SPACA7: variants seen among roughly 807,000 people sequenced by gnomAD.
The protein encoded by SPACA7 is sperm acrosome-associated protein 7.
Under a neutral mutation model 26.3 loss-of-function variants are expected in SPACA7, and 19 were observed. That is an observed-to-expected ratio of 0.72 (90% CI 0.50 to 1.06). The LOEUF is 1.06. Ranked by LOEUF, SPACA7 falls within the 50% of genes least tolerant of loss-of-function variation. The probability of loss-of-function intolerance (pLI) is 0.00; values close to 1 mark genes in which losing one functional copy is unlikely to be tolerated. For synonymous variants in SPACA7, 84 were observed against 84.5 expected, an observed-to-expected ratio of 0.99 and a Z score of 0.04; for missense variants, 211 against 229.9, an observed-to-expected ratio of 0.92 and a Z score of 0.53.
chr13:112,384,301 T>C (rs565415827), intron 1 of SPACA7, among the ~76,000 whole-genome samples: 23 of 152,030 alleles, frequency 1.5e-4, no homozygotes, highest in Non-Finnish European at 2.9e-4. Context: ...TACCTCTGTA[T>C]CACACAGTCA....
chr13:112,401,663 T>A (rs1885651838), intron 5 of SPACA7, among the ~76,000 whole-genome samples: 1 of 152,190 alleles, frequency 6.6e-6, no homozygotes, highest in Non-Finnish European at 1.5e-5. Flanking sequence ...AGTTAGAAAG[T>A]CTTTCTCCAC....
At chr13:112,378,097 C>A (rs1327786291) in intron 1 of SPACA7, among the ~76,000 whole-genome samples, 4 of 152,092 alleles carry the variant, frequency 2.6e-5, no homozygotes, top group Non-Finnish European at 4.4e-5. Context: ...CAGCTTCAGC[C>A]TTTCCAGATG....
At chr13:112,400,382 G>A (rs1433596036) in intron 4 of SPACA7, among the ~76,000 whole-genome samples, 6 of 152,168 alleles carry the variant, frequency 3.9e-5, no homozygotes, top group African/African-American at 4.8e-5. Context: ...GCCAACTGGC[G>A]AGTTTCTCTT....
At chr13:112,411,931 C>T (rs967114905) in intron 5 of SPACA7, among the ~76,000 whole-genome samples, 4 of 151,990 alleles carry the variant, frequency 2.6e-5, no homozygotes, top group Non-Finnish European at 5.9e-5. Context: ...CTTTGATGTA[C>T]TGATTTGCTT....
intron 2 of SPACA7, among the ~76,000 whole-genome samples, chr13:112,395,426 A>G (rs1566464065): frequency 6.6e-6 from 1 of 152,022 alleles, no homozygotes; most frequent in East Asian, 1.9e-4. Flanking sequence ...GGAGCAGGCC[A>G]GCCCCCCGGA....
At chr13:112,403,010 T>G (rs1208731978) in intron 5 of SPACA7, among the ~76,000 whole-genome samples, 8 of 152,204 alleles carry the variant, frequency 5.3e-5, no homozygotes, top group African/African-American at 1.9e-4. Flanking sequence ...ATAAAAAATT[T>G]ATAATAAAAA....
chr13:112,391,569 A>G (rs1245428222), intron 1 of SPACA7, among the ~76,000 whole-genome samples: 1 of 152,196 alleles, frequency 6.6e-6, no homozygotes, highest in Admixed American at 6.5e-5. Flanking sequence ...TTACAATTAC[A>G]TGGCGTGCGG....
At chr13:112,430,965 A>G (rs571461208) in intron 5 of SPACA7, among the ~76,000 whole-genome samples, 1 of 152,374 alleles carries the variant, frequency 6.6e-6, no homozygotes, top group East Asian at 1.9e-4. Context: ...CATTTTGAGT[A>G]TGAAATTGGC....
intron 5 of SPACA7, among the ~76,000 whole-genome samples, chr13:112,406,886 C>T (rs1886022634): frequency 6.6e-6 from 1 of 152,202 alleles, no homozygotes; most frequent in Non-Finnish European, 1.5e-5. Flanking sequence ...ATCTACAGAA[C>T]TCTCCACCCC....
chr13:112,414,716 C>T (rs1222014313), intron 5 of SPACA7, among the ~76,000 whole-genome samples: 1 of 152,138 alleles, frequency 6.6e-6, no homozygotes, highest in Non-Finnish European at 1.5e-5. Context: ...CCAACCTTTT[C>T]TGTGTCTTAT....
At chr13:112,398,877 G>T (rs1885455688) in intron 3 of SPACA7, among the ~76,000 whole-genome samples, 189 bp from the exon 4 acceptor site, 2 of 152,170 alleles carry the variant, frequency 1.3e-5, no homozygotes, top group South Asian at 4.1e-4. Flanking sequence ...CACACTGTTG[G>T]TTCAAGGGAG....
chr13:112,396,049 C>G (rs116061770), intron 2 of SPACA7, among the ~76,000 whole-genome samples: 2,024 of 138,588 alleles, frequency 0.015, 101 homozygotes, highest in African/African-American at 0.048. Context: ...AAAGCCATGA[C>G]TGCTCTCCGA....
chr13:112,428,612 G>T (rs1056053800), intron 5 of SPACA7, among the ~76,000 whole-genome samples: 1 of 152,066 alleles, frequency 6.6e-6, no homozygotes, highest in Non-Finnish European at 1.5e-5. Flanking sequence ...ACAAAAAAAA[G>T]AAGTGTGCTA....
intron 5 of SPACA7, among the ~76,000 whole-genome samples, chr13:112,422,163 T>C (rs1323131410): frequency 6.6e-6 from 1 of 152,080 alleles, no homozygotes; most frequent in Non-Finnish European, 1.5e-5. Context: ...TCAGACAAAG[T>C]TGACTTCAAA....
chr13:112,392,708 G>A (rs540932842), intron 1 of SPACA7, among the ~76,000 whole-genome samples: 14 of 152,274 alleles, frequency 9.2e-5, no homozygotes, highest in African/African-American at 1.9e-4. Flanking sequence ...CCGGGATGTC[G>A]TCTTGACCTC....
chr13:112,425,784 T>A (rs901480482), intron 5 of SPACA7, among the ~76,000 whole-genome samples: 11 of 152,080 alleles, frequency 7.2e-5, no homozygotes, highest in Non-Finnish European at 2.9e-5. Context: ...TCTCTGCAAA[T>A]CTCTGAGGTC....
chr13:112,376,550 A>C lies in SPACA7; in HGVS notation c.94+71A>C, dbSNP rs573125626. The C allele has an allele frequency of 2.7e-5, 41 of 1,510,130 alleles. No individual in the cohort carries two copies. In the East Asian group the frequency reaches 8.8e-4, roughly 32 times the overall value. 93.5% of individuals were successfully genotyped at this position (1,510,130 alleles called of 1,614,324 possible). On this transcript the variant is annotated intron_variant, in intron 1 of 6. Transcript: ENST00000283550. ...GTGGGGAGCGGCGGCCTCTTCTCCC[A>C]TGGGTTCCTCTTATTCCCAACCTAC...
intron 1 of SPACA7, among the ~76,000 whole-genome samples, chr13:112,384,206 A>C (rs972081104): frequency 2.0e-5 from 3 of 152,284 alleles, no homozygotes; most frequent in African/African-American, 7.2e-5. Flanking sequence ...CCTTTTGAAA[A>C]GGACTAAAGC....
intron 5 of SPACA7, among the ~76,000 whole-genome samples, chr13:112,412,898 T>C (rs1247654361): frequency 6.6e-6 from 1 of 152,172 alleles, no homozygotes; most frequent in Non-Finnish European, 1.5e-5. Flanking sequence ...AACAAGTTAT[T>C]TTAAACTGAT....
Sources: gnomAD v4.1 joint callset for allele counts (sites outside exome capture counted in the v4.1 genomes callset) on GRCh38, gnomAD v4.1.1 for gene constraint, MANE v1.5 for transcripts, NCBI Gene and HGNC (gene_info 2026-07-23, HGNC 2026-07-21) for gene names.